The following XG variants were observed in gnomAD, a reference collection of about 807,000 sequenced individuals.
The protein encoded by XG is Xg glycoprotein (Xg blood group).
Under a neutral mutation model 25.7 loss-of-function variants are expected in XG, and 24 were observed. The observed-to-expected ratio is 0.93, with a 90% CI of 0.68 to 1.31. The LOEUF (loss-of-function observed/expected upper bound fraction) is 1.31, where lower values mean the gene tolerates loss of function less well. Among genes scored for constraint, XG ranks in the 40% most tolerant of loss-of-function variants. The probability of loss-of-function intolerance (pLI) is 0.00; values close to 1 mark genes in which losing one functional copy is unlikely to be tolerated. For synonymous variants in XG, 77 were observed against 69.2 expected (o/e 1.11, Z -0.56); for missense variants, 181 against 187.6 (o/e 0.96, Z 0.21).
At chrX:2,790,536 C>T (rs1202718461) in intron 5 of XG, among the ~76,000 whole-genome samples, 2 of 109,227 alleles carry the variant, frequency 1.8e-5, no homozygotes, top group African/African-American at 6.6e-5. Context: ...GTGCTTCACG[C>T]CTGTAATCCC....
intron 4 of XG, among the ~76,000 whole-genome samples, chrX:2,785,624 A>T (rs1385664839): frequency 9.0e-6 from 1 of 111,025 alleles, no homozygotes; most frequent in Non-Finnish European, 1.9e-5. Context: ...ACAGGAAATG[A>T]GCAAATTTAA....
At chrX:2,792,049 G>A (rs1010070146) in intron 5 of XG, among the ~76,000 whole-genome samples, 3 of 111,127 alleles carry the variant, frequency 2.7e-5, no homozygotes, top group East Asian at 2.8e-4. Context: ...TTGGGAGGCC[G>A]AAGTGGGAAG....
rs2050937597 is a variant in XG at position 2,774,745 on chromosome X, T to C, written c.127+6T>C. 6.2e-7 allele frequency: 1 copy of C among 1,613,572 alleles called. No homozygotes were observed. On this transcript the variant is annotated splice_donor_region_variant and intron_variant, in intron 3 of 10. Coordinates refer to ENST00000644266, the MANE Select transcript of XG (RefSeq NM_001141919.2). Reference sequence around the variant, plus strand: ...CACCAAGAAGCCAAACTCAGGTGAGTGTCTCTTCAGCTGGGAAAAACTGAG... The same window carrying C: ...CACCAAGAAGCCAAACTCAGGTGAGCGTCTCTTCAGCTGGGAAAAACTGAG...
At chrX:2,775,202 T>C (rs1480957845) in intron 3 of XG, among the ~76,000 whole-genome samples, 4 of 152,360 alleles carry the variant, frequency 2.6e-5, no homozygotes, top group East Asian at 1.9e-4. Context: ...CTATTCATTA[T>C]AGCTAAAAGA....
intron 2 of XG, among the ~76,000 whole-genome samples, chrX:2,773,024 G>A (rs776283024): frequency 4.1e-5 from 5 of 121,152 alleles, no homozygotes; most frequent in East Asian, 2.9e-4. Context: ...TTAAAAAATA[G>A]TTATAATTTT....
At chrX:2,799,865 C>T (rs935121825) in intron 7 of XG, among the ~76,000 whole-genome samples, 5 of 111,986 alleles carry the variant, frequency 4.5e-5, no homozygotes, top group African/African-American at 1.3e-4. Flanking sequence ...CCGTGTTTAG[C>T]TCCCACTTGT....
chrX:2,806,874 C>T (rs545117188), intron 8 of XG, 129 bp downstream of exon 8: 1 of 541,421 alleles, frequency 1.8e-6, no homozygotes, highest in South Asian at 4.0e-5. Flanking sequence ...GTTCGAGTCT[C>T]TCATTTGCAT....
At chrX:2,780,790 G>A (rs927122686) in intron 3 of XG, among the ~76,000 whole-genome samples, 16 of 152,006 alleles carry the variant, frequency 1.1e-4, no homozygotes, top group Non-Finnish European at 1.8e-4. Context: ...CAGGAAGACT[G>A]GAAGCAGGGA....
chrX:2,811,733 C>T (rs1258526864), intron 10 of XG, among the ~76,000 whole-genome samples: 1 of 111,414 alleles, frequency 9.0e-6, no homozygotes, highest in Non-Finnish European at 1.9e-5. Context: ...ACAGCTGGGA[C>T]TACAGGCATG....
At chrX:2,785,792 G>GA (rs1253571605) in intron 4 of XG, among the ~76,000 whole-genome samples, 6 of 111,530 alleles carry the variant, frequency 5.4e-5, no homozygotes, top group Non-Finnish European at 7.5e-5. Flanking sequence ...TCTTGAGAAC[G>GA]AGGAAGAGCC....
At chrX:2,781,659 C>G (rs1222120735) in intron 3 of XG, among the ~76,000 whole-genome samples, 2 of 111,765 alleles carry the variant, frequency 1.8e-5, no homozygotes, top group Admixed American at 1.9e-4. Flanking sequence ...CATTATTGGG[C>G]TGTGAGAAAT....
intron 2 of XG, among the ~76,000 whole-genome samples, chrX:2,772,715 A>G (rs2050846737): frequency 1.3e-5 from 2 of 152,244 alleles, no homozygotes; most frequent in African/African-American, 4.8e-5. Context: ...TGTGAGTTTC[A>G]CATTAATTTT....
chrX:2,773,098 A>G (rs995424105), intron 2 of XG, among the ~76,000 whole-genome samples: 25 of 150,760 alleles, frequency 1.7e-4, no homozygotes, highest in Non-Finnish European at 3.1e-4. Flanking sequence ...GGGAGGAGGA[A>G]GGAAGGGAAA....
chrX:2,769,141 C>T (rs761054495), intron 1 of XG, among the ~76,000 whole-genome samples: 47 of 152,354 alleles, frequency 3.1e-4, no homozygotes, highest in Non-Finnish European at 5.7e-4. Flanking sequence ...GCAAAGCCTG[C>T]CCGGGTGGCA....
intron 1 of XG, among the ~76,000 whole-genome samples, chrX:2,758,332 C>A (rs1277178945): frequency 2.0e-5 from 3 of 152,172 alleles, no homozygotes; most frequent in Non-Finnish European, 4.4e-5. Flanking sequence ...CCACTGAGGT[C>A]TTTATTCAGC....
chrX:2,792,926 T>A (rs2086850523), intron 5 of XG, among the ~76,000 whole-genome samples: 1 of 110,598 alleles, frequency 9.0e-6, no homozygotes, highest in Non-Finnish European at 1.9e-5. Flanking sequence ...TACTTGTTTT[T>A]TTTTTGAAAC....
chrX:2,756,191 A>G (rs1309270885), intron 1 of XG, among the ~76,000 whole-genome samples: 1 of 152,200 alleles, frequency 6.6e-6, no homozygotes, highest in Non-Finnish European at 1.5e-5. Flanking sequence ...TTTCCACTGT[A>G]TTTAATTAGT....
chrX:2,774,390 T>G (rs2050927817), intron 2 of XG, among the ~76,000 whole-genome samples: 2 of 142,722 alleles, frequency 1.4e-5, no homozygotes, highest in Admixed American at 1.4e-4. Context: ...TCTTTTCTTT[T>G]GCCTCCCCCT....
intron 1 of XG, among the ~76,000 whole-genome samples, chrX:2,769,099 C>T (rs918066202): frequency 2.6e-5 from 4 of 152,212 alleles, no homozygotes; most frequent in Admixed American, 6.5e-5. Context: ...TCTTCTGCTC[C>T]GGAGAGGCCC....
Sources: allele counts gnomAD v4.1 joint callset (sites outside exome capture counted in the v4.1 genomes callset), GRCh38; gene constraint gnomAD v4.1.1; transcripts MANE v1.5; gene names NCBI Gene and HGNC (gene_info 2026-07-23, HGNC 2026-07-21).